PRKN: variants seen among roughly 807,000 people sequenced by gnomAD.
PRKN encodes E3 ubiquitin-protein ligase parkin.
PRKN carries 56 observed loss-of-function variants against 59.5 expected under a neutral mutation model. The ratio of observed to expected loss-of-function variants is 0.94; its 90% CI spans 0.76 to 1.18. PRKN has a LOEUF of 1.18. Among genes scored for constraint, PRKN ranks in the 50% most tolerant of loss-of-function variants. The probability of loss-of-function intolerance (pLI) is 0.00; values close to 1 mark genes in which losing one functional copy is unlikely to be tolerated. For synonymous variants in PRKN, 250 were observed against 222.1 expected (o/e 1.13, Z -1.12); for missense variants, 657 against 596.4 (o/e 1.10, Z -1.06).
chr6:162,099,011 T>C (rs1278602050), intron 4 of PRKN, among the ~76,000 whole-genome samples: 3 of 152,216 alleles, frequency 2.0e-5, no homozygotes, highest in Admixed American at 6.5e-5. Context: ...CAAGGTACTA[T>C]AGCTTTTAAT....
At chr6:162,401,669 T>A (rs1787799247) in intron 2 of PRKN, among the ~76,000 whole-genome samples, 1 of 152,098 alleles carries the variant, frequency 6.6e-6, no homozygotes, top group African/African-American at 2.4e-5. Context: ...AAGTTGAGCA[T>A]CATCTTTAAG....
chr6:161,872,532 G>T (rs989270397), intron 6 of PRKN, among the ~76,000 whole-genome samples: 30 of 152,036 alleles, frequency 2.0e-4, no homozygotes, highest in African/African-American at 6.8e-4. Flanking sequence ...TCAACTCCAT[G>T]TGGGCCCTGA....
At chr6:162,222,328 G>A (rs1777971986) in intron 3 of PRKN, among the ~76,000 whole-genome samples, 1 of 152,110 alleles carries the variant, frequency 6.6e-6, no homozygotes. Context: ...AGATACCCTG[G>A]GTCGGCCTGA....
At chr6:161,965,083 A>G (rs1780527077) in intron 6 of PRKN, among the ~76,000 whole-genome samples, 1 of 152,074 alleles carries the variant, frequency 6.6e-6, no homozygotes. Flanking sequence ...AAATCCAGTC[A>G]AATTATCTTT....
chr6:162,394,315 C>A (rs1400038977), intron 2 of PRKN, among the ~76,000 whole-genome samples: 3 of 152,104 alleles, frequency 2.0e-5, no homozygotes, highest in African/African-American at 2.4e-5. Flanking sequence ...GAGGTCCTGG[C>A]CTAAAATGAA....
chr6:161,899,892 G>C (rs1249050975), intron 6 of PRKN, among the ~76,000 whole-genome samples: 1 of 152,128 alleles, frequency 6.6e-6, no homozygotes, highest in Non-Finnish European at 1.5e-5. Context: ...GGAGGCCGAG[G>C]TGGGCAGATC....
chr6:162,216,467 T>C (rs911227299), intron 3 of PRKN, among the ~76,000 whole-genome samples: 1 of 144,342 alleles, frequency 6.9e-6, no homozygotes, highest in Non-Finnish European at 1.5e-5. Context: ...GAAGCGGAGC[T>C]TGCAGTGAGC....
intron 6 of PRKN, among the ~76,000 whole-genome samples, chr6:161,791,207 T>A (rs1790624245): frequency 6.6e-6 from 1 of 152,060 alleles, no homozygotes; most frequent in Admixed American, 6.6e-5. Context: ...TGCCAAAGAG[T>A]TATTTGTAAC....
At chr6:162,473,424 T>C (rs1172580319) in intron 1 of PRKN, among the ~76,000 whole-genome samples, 2 of 152,204 alleles carry the variant, frequency 1.3e-5, no homozygotes, top group Non-Finnish European at 2.9e-5. Context: ...TGCATTTCCC[T>C]ATGTTTGCCA....
Position 161,919,587 on chromosome 6 carries a change from G to A in PRKN, c.734+53715C>T, listed in dbSNP as rs189566247. 1.5e-3 allele frequency among the ~76,000 whole-genome samples: 229 copies of A among 152,284 alleles called. 1 individual carries two copies. The highest frequency in any genetic ancestry group is 2.7e-3 in the Non-Finnish European group (186 of 68,022). ...AAAGGTTTCAGTTGTTCCTGTTATA[G>A]GATCTTACCATTATGAACTGTCATC... On this transcript the variant is annotated intron_variant, in intron 6 of 11. Transcript: ENST00000366898.
intron 2 of PRKN, among the ~76,000 whole-genome samples, chr6:162,297,719 AG>A (rs1438934267): frequency 1.3e-5 from 2 of 152,164 alleles, no homozygotes; most frequent in Non-Finnish European, 2.9e-5. Flanking sequence ...AAAACCACAT[AG>A]GACAAGGAGA....
chr6:161,645,654 T>C (rs1783902330), intron 7 of PRKN, among the ~76,000 whole-genome samples: 1 of 152,278 alleles, frequency 6.6e-6, no homozygotes, highest in Non-Finnish European at 1.5e-5. Context: ...ATGTCCTAGC[T>C]ATATGTGCAT....
chr6:162,144,307 C>A (rs535532924), intron 4 of PRKN, among the ~76,000 whole-genome samples: 1 of 152,326 alleles, frequency 6.6e-6, no homozygotes, highest in South Asian at 2.1e-4. Flanking sequence ...TTTTAATATT[C>A]ATGACTCACA....
rs575228797 is a variant in PRKN at position 162,168,065 on chromosome 6, A to T, written c.534+33066T>A. Among the ~76,000 whole-genome samples the T allele has an allele frequency of 2.0e-5, 3 of 152,312 alleles. No individual in the cohort carries two copies. The South Asian group carries it at 6.2e-4, about 32-fold the overall frequency. On this transcript the variant is annotated intron_variant, in intron 4 of 11. Coordinates refer to ENST00000366898, the MANE Select transcript of PRKN (RefSeq NM_004562.3). Reference sequence around the variant, plus strand: ...CAAAATTGCTCAAAGGTTAGGGGCAATCTGCTCTTCTTGGAGTAAAATTCA... The same window carrying T: ...CAAAATTGCTCAAAGGTTAGGGGCATTCTGCTCTTCTTGGAGTAAAATTCA...
chr6:162,297,399 A>T (rs537384220), intron 2 of PRKN, among the ~76,000 whole-genome samples: 1 of 152,252 alleles, frequency 6.6e-6, no homozygotes, highest in South Asian at 2.1e-4. Flanking sequence ...CCTGTGTCTG[A>T]TACCATGTAA....
intron 2 of PRKN, among the ~76,000 whole-genome samples, chr6:162,360,497 T>C (rs191715288): frequency 1.3e-5 from 2 of 152,320 alleles, no homozygotes; most frequent in Admixed American, 1.3e-4. Flanking sequence ...ATATTTCCTA[T>C]AAAACCTGTC....
intron 1 of PRKN, among the ~76,000 whole-genome samples, chr6:162,467,904 C>T (rs898681430): frequency 1.3e-5 from 2 of 152,032 alleles, no homozygotes; most frequent in Non-Finnish European, 2.9e-5. Context: ...CTTGTTGTTC[C>T]CTTTGCCTGG....
chr6:162,194,376 TAGTA>T (rs1212521704), intron 4 of PRKN, among the ~76,000 whole-genome samples: 3 of 152,082 alleles, frequency 2.0e-5, no homozygotes, highest in Non-Finnish European at 4.4e-5. Context: ...ATCAGCAAAA[TAGTA>T]AGTGAGAAAA....
At chr6:162,710,414 C>CACACACACACAA (rs759309558) in intron 1 of PRKN, among the ~76,000 whole-genome samples, 50 of 150,088 alleles carry the variant, frequency 3.3e-4, no homozygotes, top group African/African-American at 1.1e-3. Context: ...CACACACACA[C>CACACACACACAA]AACTGTTTGG....
Sources: gnomAD v4.1 joint callset for allele counts (sites outside exome capture counted in the v4.1 genomes callset) on GRCh38, gnomAD v4.1.1 for gene constraint, MANE v1.5 for transcripts, NCBI Gene and HGNC (gene_info 2026-07-23, HGNC 2026-07-21) for gene names.